The following SNTG1 variants were observed in gnomAD, a reference collection of about 807,000 sequenced individuals.
SNTG1 encodes gamma-1-syntrophin.
In SNTG1, 39 loss-of-function variants were observed where a neutral mutation model predicts 74.7. The observed-to-expected ratio is 0.52, with a 90% CI of 0.40 to 0.68. The LOEUF (loss-of-function observed/expected upper bound fraction) is 0.68, where lower values mean the gene tolerates loss of function less well. SNTG1 is among the 30% of genes least tolerant of loss of function. The pLI is 0.00. For missense variants in SNTG1, 685 were observed against 609.5 expected, an observed-to-expected ratio of 1.12 and a Z score of -1.30; for synonymous variants, 254 against 217.1, an observed-to-expected ratio of 1.17 and a Z score of -1.49.
At chr8:50,415,864 A>G (rs939905675) in intron 4 of SNTG1, among the ~76,000 whole-genome samples, 1 of 152,126 alleles carries the variant, frequency 6.6e-6, no homozygotes, top group African/African-American at 2.4e-5. Context: ...GAAGGTAGTG[A>G]TTGAAATTTA....
chr8:50,012,428 A>C (rs934943555), intron 1 of SNTG1, among the ~76,000 whole-genome samples: 4 of 152,178 alleles, frequency 2.6e-5, no homozygotes, highest in Non-Finnish European at 5.9e-5. Context: ...GGAAGTATGG[A>C]GTCTTCATAA....
At chr8:50,721,021 T>C (rs2095486424) in intron 17 of SNTG1, among the ~76,000 whole-genome samples, 1 of 152,210 alleles carries the variant, frequency 6.6e-6, no homozygotes, top group African/African-American at 2.4e-5. Flanking sequence ...AACAGTGAGC[T>C]GGTAAGGAAA....
intron 18 of SNTG1, among the ~76,000 whole-genome samples, chr8:50,784,603 C>T (rs1229404029): frequency 6.6e-6 from 1 of 152,046 alleles, no homozygotes; most frequent in Non-Finnish European, 1.5e-5. Context: ...ACATCAGTAC[C>T]CCACTGTAAC....
rs930498510 is a variant in SNTG1 at position 50,792,289 on chromosome 8, C to G, written c.1396-382C>G. Among the ~76,000 whole-genome samples, 3 of 151,650 alleles carry G rather than the reference C, an allele frequency of 2.0e-5. No individual in the cohort carries two copies. The East Asian group carries it at 5.8e-4, about 29-fold the overall frequency. On this transcript the variant is annotated intron_variant, in intron 18 of 18. Coordinates refer to ENST00000642720, the MANE Select transcript of SNTG1 (RefSeq NM_018967.5). ...AATACTCAAGAATAGTTTTAAATTG[C>G]CCTAATCCATATTTATCATCTGATG...
At chr8:50,532,428 A>T (rs2094276387) in intron 10 of SNTG1, among the ~76,000 whole-genome samples, 1 of 152,248 alleles carries the variant, frequency 6.6e-6, no homozygotes, top group African/African-American at 2.4e-5. Context: ...ACAATTAACT[A>T]TAACATAAGC....
At chr8:49,969,791 A>G (rs1199531567) in intron 1 of SNTG1, among the ~76,000 whole-genome samples, 1 of 152,100 alleles carries the variant, frequency 6.6e-6, no homozygotes, top group African/African-American at 2.4e-5. Flanking sequence ...CAAAACAACA[A>G]TGACATCATG....
chr8:50,296,239 T>A (rs1203621202), intron 2 of SNTG1, among the ~76,000 whole-genome samples: 1 of 152,150 alleles, frequency 6.6e-6, no homozygotes, highest in African/African-American at 2.4e-5. Context: ...GAAATACTAT[T>A]TGACCCAGCA....
Position 50,658,618 on chromosome 8 carries a change from A to G in SNTG1, c.993A>G (p.Ala331=). ...PPVTTWDWTR[A]EKTFSVYEIM... ...TGACCACCTGGGACTGGACGAGAGC[A>G]GAGAAAACATTCTCAGTTTATGAGA... The change falls in exon 15 of 19, where the codon GCA becomes GCG. Residue 331 remains alanine (A), a synonymous_variant. Transcript: ENST00000642720. 6.2e-7 allele frequency: 1 copy of G among 1,610,554 alleles called. No homozygotes were observed. Among genetic ancestry groups the G allele is most frequent in the East Asian group, 2.2e-5 (1 of 44,688 alleles).
At chr8:50,528,567 G>A (rs1231302499) in intron 9 of SNTG1, among the ~76,000 whole-genome samples, 2 of 151,506 alleles carry the variant, frequency 1.3e-5, no homozygotes, top group Non-Finnish European at 3.0e-5. Context: ...CTAATATATT[G>A]TTTACATTTT....
intron 1 of SNTG1, among the ~76,000 whole-genome samples, chr8:49,978,971 A>T (rs1211422316): frequency 1.3e-5 from 2 of 152,230 alleles, no homozygotes; most frequent in Non-Finnish European, 2.9e-5. Context: ...GAATAAAGGT[A>T]ATCTTCTTCC....
intron 1 of SNTG1, among the ~76,000 whole-genome samples, chr8:50,109,888 G>T (rs535504397): frequency 1.3e-5 from 2 of 152,142 alleles, no homozygotes; most frequent in Non-Finnish European, 2.9e-5. Flanking sequence ...GATTGTTCTG[G>T]AAGTTCCCAC....
At chr8:50,561,770 T>C (rs1217265697) in intron 12 of SNTG1, among the ~76,000 whole-genome samples, 1 of 152,224 alleles carries the variant, frequency 6.6e-6, no homozygotes, top group East Asian at 1.9e-4. Flanking sequence ...GCCTTTATTT[T>C]AACCTATAGG....
At chr8:50,326,151 G>A (rs1009555070) in intron 2 of SNTG1, among the ~76,000 whole-genome samples, 17 of 151,896 alleles carry the variant, frequency 1.1e-4, no homozygotes, top group African/African-American at 3.9e-4. Context: ...GTCTTTGCCT[G>A]TAATTTTCTA....
At chr8:50,222,739 G>A (rs2085133528) in intron 2 of SNTG1, among the ~76,000 whole-genome samples, 1 of 152,030 alleles carries the variant, frequency 6.6e-6, no homozygotes, top group Non-Finnish European at 1.5e-5. Flanking sequence ...CCCTCAGCGG[G>A]GATTGCTTCT....
At chr8:50,173,301 G>A (rs1162714308) in intron 2 of SNTG1, among the ~76,000 whole-genome samples, 5 of 152,146 alleles carry the variant, frequency 3.3e-5, no homozygotes, top group East Asian at 3.8e-4. Flanking sequence ...GGAGGTGAAC[G>A]TGGCTAGAAA....
rs1024094443 is a variant in SNTG1 at position 50,114,335 on chromosome 8, C to G, written c.-102-58226C>G. 2.0e-5 allele frequency among the ~76,000 whole-genome samples: 3 copies of G among 152,054 alleles called. No individual in the cohort carries two copies. In the South Asian group the frequency reaches 6.2e-4, roughly 31 times the overall value. On this transcript the variant is annotated intron_variant, in intron 1 of 18. Coordinates refer to ENST00000642720, the MANE Select transcript of SNTG1 (RefSeq NM_018967.5). ...CTCATTGCTAATAGTGACAAACATG[C>G]AATAACTTCTTAAAAAGAAGGAAAT... is the stretch of plus-strand genomic sequence containing the variant.
chr8:50,238,884 A>T (rs2086041278), intron 2 of SNTG1, among the ~76,000 whole-genome samples: 2 of 152,342 alleles, frequency 1.3e-5, no homozygotes, highest in Admixed American at 1.3e-4. Flanking sequence ...CAACAAGCAT[A>T]TAAAAAATGC....
At chr8:50,400,189 G>A (rs753405374) in intron 3 of SNTG1, among the ~76,000 whole-genome samples, 2 of 152,142 alleles carry the variant, frequency 1.3e-5, no homozygotes, top group Non-Finnish European at 2.9e-5. Flanking sequence ...AGAAAGTCTG[G>A]TATTATTTGC....
At chr8:50,187,480 C>T (rs112466802) in intron 2 of SNTG1, among the ~76,000 whole-genome samples, 2,796 of 152,178 alleles carry the variant, frequency 0.018, 77 homozygotes, top group African/African-American at 0.058. Flanking sequence ...AAAGCTGAAA[C>T]AAGAAAATGT....
Sources: allele counts gnomAD v4.1 joint callset (sites outside exome capture counted in the v4.1 genomes callset), GRCh38; gene constraint gnomAD v4.1.1; transcripts MANE v1.5; gene names NCBI Gene and HGNC (gene_info 2026-07-23, HGNC 2026-07-21).